Variants in FSHR observed in about 807,000 individuals in gnomAD.
FSHR encodes the protein follicle-stimulating hormone receptor.
In FSHR, 46 loss-of-function variants were observed where a neutral mutation model predicts 52.1. The observed-to-expected ratio is 0.88, with a 90% confidence interval of 0.70 to 1.13. FSHR has a LOEUF of 1.13. Ranked by LOEUF, FSHR falls within the 50% of genes most tolerant of loss-of-function variation. The probability of loss-of-function intolerance (pLI) is 0.00; values close to 1 mark genes in which losing one functional copy is unlikely to be tolerated. For missense variants in FSHR, 964 were observed against 834.6 expected, an observed-to-expected ratio of 1.16 and a Z score of -1.91; for synonymous variants, 399 against 309.6, an observed-to-expected ratio of 1.29 and a Z score of -3.03.
intron 1 of FSHR, among the ~76,000 whole-genome samples, chr2:49,086,958 C>T (rs1430992212): frequency 6.6e-6 from 1 of 151,232 alleles, no homozygotes; most frequent in Non-Finnish European, 1.5e-5. Context: ...TTAAAAGATA[C>T]TCATGTGATT....
In FSHR at chr2:48,962,676, C is replaced by A; in HGVS notation, c.*57G>T. 1 of 1,548,848 alleles carries A rather than the reference C, an allele frequency of 6.5e-7. No homozygotes were observed. The highest frequency in any genetic ancestry group is 8.9e-7 in the Non-Finnish European group (1 of 1,122,004). On this transcript the variant is annotated 3_prime_UTR_variant, in exon 10 of 10. Transcript: ENST00000406846. Reference sequence around the variant, plus strand: ...CACTGTCAGCTCTTTGTGACATACCCTTCAAAGGCAAGACTGAATTATCAT... The same window carrying A: ...CACTGTCAGCTCTTTGTGACATACCATTCAAAGGCAAGACTGAATTATCAT...
chr2:49,016,173 A>G (rs550404621), intron 4 of FSHR, among the ~76,000 whole-genome samples: 1 of 152,344 alleles, frequency 6.6e-6, no homozygotes, highest in South Asian at 2.1e-4. Context: ...AATATCATTA[A>G]TAGCTAATAT....
intron 8 of FSHR, among the ~76,000 whole-genome samples, chr2:48,980,544 T>C (rs79122017): frequency 2.0e-4 from 31 of 152,302 alleles, no homozygotes; most frequent in African/African-American, 7.5e-4. Flanking sequence ...CCTCAGGAGA[T>C]GTTCTTCTGT....
At chr2:49,116,796 G>T (rs1472931451) in intron 1 of FSHR, among the ~76,000 whole-genome samples, 1 of 152,160 alleles carries the variant, frequency 6.6e-6, no homozygotes, top group Non-Finnish European at 1.5e-5. Flanking sequence ...GGTCAAATCA[G>T]GGTTCTTAGT....
chr2:49,154,048 C>A (rs1232781192), intron 1 of FSHR, among the ~76,000 whole-genome samples: 1 of 152,136 alleles, frequency 6.6e-6, no homozygotes, highest in Non-Finnish European at 1.5e-5. Flanking sequence ...TCTGACACTG[C>A]CGTTCTCTGA....
At chr2:49,040,675 A>T (rs1415042145) in intron 2 of FSHR, among the ~76,000 whole-genome samples, 1 of 152,144 alleles carries the variant, frequency 6.6e-6, no homozygotes, top group Non-Finnish European at 1.5e-5. Context: ...AAAGAATAGC[A>T]TGGATGTGGG....
chr2:49,067,022 A>G (rs1392279355), intron 2 of FSHR, among the ~76,000 whole-genome samples: 1 of 152,086 alleles, frequency 6.6e-6, no homozygotes, highest in Non-Finnish European at 1.5e-5. Context: ...GAATGTCCTC[A>G]ATGAGGTAAA....
chr2:49,026,637 G>T (rs150063972), intron 2 of FSHR, among the ~76,000 whole-genome samples: 30 of 152,316 alleles, frequency 2.0e-4, no homozygotes, highest in African/African-American at 6.7e-4. Context: ...AACATCGGCA[G>T]GTTAGGCATA....
chr2:49,065,645 A>C (rs1669475731), intron 2 of FSHR, among the ~76,000 whole-genome samples: 1 of 152,132 alleles, frequency 6.6e-6, no homozygotes, highest in African/African-American at 2.4e-5. Context: ...TTTCCAATTC[A>C]AAACAAGAAT....
intron 2 of FSHR, among the ~76,000 whole-genome samples, chr2:49,047,505 T>C (rs1394733699): frequency 6.6e-6 from 1 of 152,224 alleles, no homozygotes; most frequent in Non-Finnish European, 1.5e-5. Context: ...CACACAGACT[T>C]TGTGGTCCAA....
chr2:49,149,554 C>T (rs543823505), intron 1 of FSHR, among the ~76,000 whole-genome samples: 1 of 152,180 alleles, frequency 6.6e-6, no homozygotes, highest in South Asian at 2.1e-4. Context: ...AAAAGTGGCT[C>T]AGTTTGCAAA....
intron 2 of FSHR, among the ~76,000 whole-genome samples, chr2:49,055,841 T>A (rs1669042665): frequency 6.6e-6 from 1 of 152,048 alleles, no homozygotes; most frequent in Non-Finnish European, 1.5e-5. Context: ...AAATATAACA[T>A]TTCATGGACA....
chr2:49,134,115 A>G (rs1302271183), intron 1 of FSHR, among the ~76,000 whole-genome samples: 18 of 152,212 alleles, frequency 1.2e-4, no homozygotes, highest in African/African-American at 4.3e-4. Context: ...AGAAACTACC[A>G]TCAGAGTGAA....
At chr2:49,056,247 C>G (rs1483407221) in intron 2 of FSHR, among the ~76,000 whole-genome samples, 1 of 151,500 alleles carries the variant, frequency 6.6e-6, no homozygotes, top group South Asian at 2.1e-4. Context: ...AAGAAACTTA[C>G]TTTACCTGTA....
At chr2:49,087,073 T>A (rs1336276030) in intron 1 of FSHR, among the ~76,000 whole-genome samples, 5 of 137,446 alleles carry the variant, frequency 3.6e-5, no homozygotes, top group African/African-American at 1.5e-4. Flanking sequence ...GGGCAGGGTT[T>A]TTTTTTTTTT....
At chr2:49,046,830 A>G (rs1464877911) in intron 2 of FSHR, among the ~76,000 whole-genome samples, 1 of 152,182 alleles carries the variant, frequency 6.6e-6, no homozygotes, top group East Asian at 1.9e-4. Flanking sequence ...GTAGAACAGA[A>G]CAAACACAAC....
At chr2:48,988,860 T>C (rs769821124) in intron 6 of FSHR, 117 bp downstream of exon 6, 193 of 782,748 alleles carry the variant, frequency 2.5e-4, no homozygotes, top group Non-Finnish European at 3.9e-4. Flanking sequence ...TGGAGAGTGA[T>C]TTAAGTGGAG....
intron 2 of FSHR, among the ~76,000 whole-genome samples, chr2:49,067,980 T>G (rs1669570071): frequency 6.6e-6 from 1 of 151,682 alleles, no homozygotes; most frequent in Non-Finnish European, 1.5e-5. Flanking sequence ...CAACCCCTTA[T>G]TTGAGAAATG....
Position 49,146,243 on chromosome 2 carries a change from C to T in FSHR, c.152+8023G>A, listed in dbSNP as rs368706032. ...AATGCCATCTTCTAGGGATGTAATC[C>T]TATCTTATGAACCAACATTTTGTAA... is the stretch of plus-strand genomic sequence containing the variant. On this transcript the variant is annotated intron_variant, in intron 1 of 9. Coordinates refer to ENST00000406846, the MANE Select transcript of FSHR (RefSeq NM_000145.4). 1.6e-3 allele frequency among the ~76,000 whole-genome samples: 242 copies of T among 152,140 alleles called. 8 individuals are homozygous for T. In the South Asian group the frequency reaches 0.047, roughly 30 times the overall value.
Sources: gnomAD v4.1 joint callset for allele counts (sites outside exome capture counted in the v4.1 genomes callset) on GRCh38, gnomAD v4.1.1 for gene constraint, MANE v1.5 for transcripts, NCBI Gene and HGNC (gene_info 2026-07-23, HGNC 2026-07-21) for gene names.